Variants in PDE4D observed in about 807,000 individuals in gnomAD.
The protein encoded by PDE4D is phosphodiesterase 4D.
Under a neutral mutation model 87.4 loss-of-function variants are expected in PDE4D, and 24 were observed. The ratio of observed to expected loss-of-function variants is 0.27; its 90% CI spans 0.20 to 0.39. The LOEUF is 0.39. PDE4D is among the 10% of genes least tolerant of loss of function. The pLI, the probability that PDE4D is intolerant of heterozygous loss-of-function variation, is 1.00. For synonymous variants in PDE4D, 384 were observed against 383.2 expected, an observed-to-expected ratio of 1.00 and a Z score of -0.02; for missense variants, 714 against 1,041.0, an observed-to-expected ratio of 0.69 and a Z score of 4.32.
intron 1 of PDE4D, among the ~76,000 whole-genome samples, chr5:59,809,511 A>G (rs79787679): frequency 6.6e-6 from 1 of 152,214 alleles, no homozygotes; most frequent in Non-Finnish European, 1.5e-5. Context: ...TGGTACATTT[A>G]TGTACCAAAT....
At chr5:59,043,047 G>A (rs916885206) in intron 5 of PDE4D, among the ~76,000 whole-genome samples, 46 of 152,292 alleles carry the variant, frequency 3.0e-4, no homozygotes, top group Middle Eastern at 3.4e-3. Context: ...TCCACTGTAC[G>A]GGATGTGTAA....
intron 1 of PDE4D, among the ~76,000 whole-genome samples, chr5:59,742,578 T>C (rs970962895): frequency 2.0e-5 from 3 of 152,208 alleles, no homozygotes; most frequent in African/African-American, 7.2e-5. Flanking sequence ...GAACTTCTTT[T>C]ATCTGTACCT....
At chr5:59,595,934 C>T (rs575420801) in intron 1 of PDE4D, among the ~76,000 whole-genome samples, 45 of 151,972 alleles carry the variant, frequency 3.0e-4, no homozygotes, top group African/African-American at 9.6e-4. Flanking sequence ...ATGTGTGGTC[C>T]ACCATATATA....
chr5:59,166,451 T>G (rs1305719731), intron 5 of PDE4D: 1 of 152,180 alleles, frequency 6.6e-6, no homozygotes, highest in African/African-American at 2.4e-5. Context: ...AAAGACAGAC[T>G]GTCTTGAGGT....
chr5:59,773,704 TC>T lies in PDE4D; in HGVS notation c.455+119463del, dbSNP rs560078023. On this transcript the variant is annotated intron_variant, in intron 1 of 14. Transcript: ENST00000340635. ...TCTAAAATTATTTTATCTTAAATTT[TC>T]ATCATGATTATTTTTCATTATAAAG... Among the ~76,000 whole-genome samples, 115 of 152,306 alleles carry T rather than the reference TC, an allele frequency of 7.6e-4. 1 individual carries two copies. Among genetic ancestry groups the T allele is most frequent in the Non-Finnish European group, 1.5e-4 (10 of 68,012 alleles).
intron 9 of PDE4D, among the ~76,000 whole-genome samples, chr5:58,990,454 C>G (rs1425484964): frequency 2.0e-5 from 3 of 152,102 alleles, no homozygotes; most frequent in Admixed American, 6.5e-5. Flanking sequence ...TAGTAGCCAG[C>G]AGGGGCTTTA....
At chr5:60,161,696 G>C (rs1365048036) in intron 2 of PDE4D, among the ~76,000 whole-genome samples, 1 of 152,052 alleles carries the variant, frequency 6.6e-6, no homozygotes, top group Non-Finnish European at 1.5e-5. Flanking sequence ...CATTTACAGT[G>C]CCTGAATTCA....
intron 1 of PDE4D, among the ~76,000 whole-genome samples, chr5:60,281,881 T>A (rs949320182): frequency 1.3e-5 from 2 of 151,640 alleles, no homozygotes; most frequent in Admixed American, 6.6e-5. Context: ...TACAAAAACG[T>A]ACAAAATTAG....
intron 1 of PDE4D, among the ~76,000 whole-genome samples, chr5:60,356,182 C>G (rs893940985): frequency 5.3e-5 from 8 of 152,134 alleles, no homozygotes; most frequent in Non-Finnish European, 1.0e-4. Flanking sequence ...GCCCTTTTAT[C>G]AATCCCCAGG....
Position 60,307,144 on chromosome 5 carries a change from T to A in PDE4D, c.-89-121457A>T, listed in dbSNP as rs1754570325. Among the ~76,000 whole-genome samples, 3 of 152,098 alleles carry A rather than the reference T, an allele frequency of 2.0e-5. No homozygotes were observed. In the South Asian group the frequency reaches 6.2e-4, roughly 32 times the overall value. On this transcript the variant is annotated intron_variant, in intron 1 of 16. Transcript: ENST00000502484. ...AATATATAAATAAAGTTCAGGAATA[T>A]ATTAAAAGAAAAAAATTCACAACAA...
chr5:59,072,280 C>A (rs186686803), intron 5 of PDE4D, among the ~76,000 whole-genome samples: 9 of 152,234 alleles, frequency 5.9e-5, no homozygotes, highest in Admixed American at 5.2e-4. Flanking sequence ...AAGGCTTAAG[C>A]ATAGTTGGAA....
intron 1 of PDE4D, among the ~76,000 whole-genome samples, chr5:60,520,096 T>G (rs966849164): frequency 1.3e-5 from 2 of 151,864 alleles, no homozygotes; most frequent in African/African-American, 4.8e-5. Flanking sequence ...CAAATTACAA[T>G]GTACCTTCAC....
At chr5:59,597,948 T>C (rs984394424) in intron 1 of PDE4D, among the ~76,000 whole-genome samples, 5 of 152,118 alleles carry the variant, frequency 3.3e-5, no homozygotes, top group Non-Finnish European at 7.3e-5. Flanking sequence ...CGCCTACCTC[T>C]CTCTATAATT....
At chr5:59,465,669 G>GTTTCAAT (rs1364586678) in intron 1 of PDE4D, among the ~76,000 whole-genome samples, 22 of 152,112 alleles carry the variant, frequency 1.4e-4, no homozygotes, top group African/African-American at 5.1e-4. Flanking sequence ...TTTAAATGGG[G>GTTTCAAT]CAATGAATGT....
At chr5:59,131,954 G>T (rs907849588) in intron 5 of PDE4D, among the ~76,000 whole-genome samples, 1 of 151,952 alleles carries the variant, frequency 6.6e-6, no homozygotes, top group African/African-American at 2.4e-5. Flanking sequence ...TTCTAGTCGC[G>T]TATGGCTCCA....
chr5:60,048,510 T>G (rs541476719), intron 2 of PDE4D, among the ~76,000 whole-genome samples: 300 of 152,348 alleles, frequency 2.0e-3, no homozygotes, highest in African/African-American at 6.9e-3. Flanking sequence ...GTACCATTTG[T>G]TCCTCTCCAT....
At chr5:59,960,676 G>A (rs181045020) in intron 3 of PDE4D, among the ~76,000 whole-genome samples, 2 of 152,094 alleles carry the variant, frequency 1.3e-5, no homozygotes, top group African/African-American at 2.4e-5. Context: ...CATACATAAC[G>A]ATGGGAACAG....
At chr5:59,385,619 G>A (rs1275932104) in intron 1 of PDE4D, among the ~76,000 whole-genome samples, 1 of 152,046 alleles carries the variant, frequency 6.6e-6, no homozygotes, top group African/African-American at 2.4e-5. Context: ...TCCAGTAGAG[G>A]GTATACTGCT....
intron 1 of PDE4D, among the ~76,000 whole-genome samples, chr5:59,412,431 G>C (rs6861992): frequency 0.17 from 25,825 of 151,994 alleles, 2,926 homozygotes; most frequent in African/African-American, 0.31. Context: ...CCACAATTAC[G>C]CTCTGCTTAG....
Sources: gnomAD v4.1 joint callset for allele counts (sites outside exome capture counted in the v4.1 genomes callset) on GRCh38, gnomAD v4.1.1 for gene constraint, MANE v1.5 for transcripts, NCBI Gene and HGNC (gene_info 2026-07-23, HGNC 2026-07-21) for gene names.